TTLL5: variants seen among roughly 807,000 people sequenced by gnomAD.
TTLL5 encodes tubulin polyglutamylase TTLL5.
TTLL5 carries 132 observed loss-of-function variants against 168.4 expected under a neutral mutation model. The ratio of observed to expected loss-of-function variants is 0.78; its 90% CI spans 0.68 to 0.91. The LOEUF is 0.91. TTLL5 is among the 40% of genes least tolerant of loss of function. The pLI, the probability that TTLL5 is intolerant of heterozygous loss-of-function variation, is 0.00. For synonymous variants in TTLL5, 546 were observed against 558.6 expected, an observed-to-expected ratio of 0.98 and a Z score of 0.32; for missense variants, 1,545 against 1,581.5, an observed-to-expected ratio of 0.98 and a Z score of 0.39.
chr14:75,801,182 C>G (rs1893296848), intron 27 of TTLL5, among the ~76,000 whole-genome samples: 1 of 152,108 alleles, frequency 6.6e-6, no homozygotes, highest in Non-Finnish European at 1.5e-5. Context: ...CAGAGACTCT[C>G]CTTGGACAGG....
chr14:75,874,508 T>C (rs1170244850), intron 29 of TTLL5, among the ~76,000 whole-genome samples: 4 of 152,230 alleles, frequency 2.6e-5, no homozygotes, highest in African/African-American at 9.6e-5. Context: ...AATTGTGAGC[T>C]AGCTTTTCAT....
chr14:75,761,120 T>TGAAATG (rs1392286655), intron 18 of TTLL5, among the ~76,000 whole-genome samples: 1 of 152,102 alleles, frequency 6.6e-6, no homozygotes, highest in Non-Finnish European at 1.5e-5. Context: ...GTAGCCAATA[T>TGAAATG]GCTTATGAAA....
In TTLL5 at chr14:75,850,830, A is replaced by G. The variant is rs150392577; in HGVS notation, c.3327-12837A>G. Among the ~76,000 whole-genome samples, 618 of 152,018 alleles carry G rather than the reference A, an allele frequency of 4.1e-3. 3 individuals are homozygous for G. Among genetic ancestry groups the G allele is most frequent in the East Asian group, 0.014 (71 of 5,166 alleles). The stretch of plus-strand genomic sequence containing the variant: ...TAATAGAATTTAACAATAGAAGGAC[A>G]GGTGCAGTGGCTCATGCCTGTAATC... On this transcript the variant is annotated intron_variant, in intron 28 of 31. Transcript: ENST00000298832.
chr14:75,732,246 G>A (rs1259678374), intron 12 of TTLL5, 92 bp from the exon 13 acceptor site: 1 of 1,060,802 alleles, frequency 9.4e-7, no homozygotes, highest in Non-Finnish European at 1.4e-6. Context: ...GAGTTTCTAG[G>A]CCTGGGAGTT....
At chr14:75,826,379 G>GA (rs1249877166) in intron 28 of TTLL5, among the ~76,000 whole-genome samples, 1 of 149,430 alleles carries the variant, frequency 6.7e-6, no homozygotes, top group African/African-American at 2.5e-5. Context: ...TTACACTCCT[G>GA]AACTGTACAC....
intron 26 of TTLL5, among the ~76,000 whole-genome samples, chr14:75,784,079 T>C (rs1892225557): frequency 6.6e-6 from 1 of 151,986 alleles, no homozygotes; most frequent in Non-Finnish European, 1.5e-5. Context: ...ATTCAGTGGT[T>C]ATATATATAT....
chr14:75,949,316 C>CAT (rs1226389273), intron 31 of TTLL5, among the ~76,000 whole-genome samples: 1 of 150,198 alleles, frequency 6.7e-6, no homozygotes, highest in African/African-American at 2.4e-5. Context: ...TATATATACA[C>CAT]ATATATATAA....
At chr14:75,680,695 G>A (rs1302898281) in intron 3 of TTLL5, among the ~76,000 whole-genome samples, 6 of 146,142 alleles carry the variant, frequency 4.1e-5, no homozygotes, top group Middle Eastern at 3.3e-3. Flanking sequence ...TGATCTCGGC[G>A]CTCACTGCAA....
rs1269625550 is a variant in TTLL5 at position 75,790,975 on chromosome 14, G to A, written c.2987-1941G>A. On this transcript the variant is annotated intron_variant, in intron 26 of 31. Coordinates refer to ENST00000298832, the MANE Select transcript of TTLL5 (RefSeq NM_015072.5). ...AGAAAAATTACCCGGGCCTGGTGGC[G>A]GGTGCCTGTAGTCCCAGCTACTCGG... Among the ~76,000 whole-genome samples the A allele has an allele frequency of 2.2e-4, 33 of 150,162 alleles. 1 individual carries two copies. In the East Asian group the frequency reaches 3.9e-3, roughly 18 times the overall value.
chr14:75,826,347 G>C (rs1267467928), intron 28 of TTLL5, among the ~76,000 whole-genome samples: 1 of 147,276 alleles, frequency 6.8e-6, no homozygotes, highest in African/African-American at 2.6e-5. Flanking sequence ...CTTTGTTAGA[G>C]GCAAAACCTA....
At chr14:75,931,424 A>G (rs1294399719) in intron 31 of TTLL5, among the ~76,000 whole-genome samples, 1 of 152,164 alleles carries the variant, frequency 6.6e-6, no homozygotes, top group Non-Finnish European at 1.5e-5. Context: ...TTCCCTTTAA[A>G]TATCCCTCAG....
Position 75,752,931 on chromosome 14 carries a change from T to C in TTLL5, c.1526T>C (p.Leu509Pro). Residue 509 changes from leucine to proline, a missense_variant, in exon 18 of 32, where the codon CTG (leucine) becomes CCG (proline). Transcript: ENST00000298832. ...CATAAGACCTCAATGAACTATATGCTGGCAACACGCCTCTTCCAGGACAGG... is the reference window on the plus strand; with the variant it reads ...CATAAGACCTCAATGAACTATATGCCGGCAACACGCCTCTTCCAGGACAGG... The part of the protein sequence containing the change: ...LEHKTSMNYM[L>P]ATRLFQDRMT... 6.2e-7 allele frequency: 1 copy of C among 1,613,544 alleles called. No homozygotes were observed. The highest frequency in any genetic ancestry group is 8.5e-7 in the Non-Finnish European group (1 of 1,179,688).
At chr14:75,708,572 G>T (rs1886818483) in intron 9 of TTLL5, among the ~76,000 whole-genome samples, 1 of 152,008 alleles carries the variant, frequency 6.6e-6, no homozygotes, top group African/African-American at 2.4e-5. Context: ...TGATCCGCCT[G>T]CCTCAGCCTC....
At chr14:75,701,944 T>C (rs1886305617) in intron 7 of TTLL5, among the ~76,000 whole-genome samples, 1 of 152,130 alleles carries the variant, frequency 6.6e-6, no homozygotes, top group Non-Finnish European at 1.5e-5. Flanking sequence ...AGGGCAGGGG[T>C]AGGTAGATGT....
chr14:75,813,270 TTGTGTGTGTG>T (rs58821426), intron 27 of TTLL5, among the ~76,000 whole-genome samples: 19,356 of 130,466 alleles, frequency 0.15, 1,440 homozygotes, highest in Admixed American at 0.2. Context: ...GTGTGTGTGT[TTGTGTGTGTG>T]TGTGTGTGTG....
intron 28 of TTLL5, among the ~76,000 whole-genome samples, chr14:75,824,457 G>A (rs1168590777): frequency 1.3e-5 from 2 of 148,418 alleles, no homozygotes; most frequent in African/African-American, 2.5e-5. Context: ...CTTGAGGGTC[G>A]TATGCTCAGT....
At chr14:75,906,831 A>C (rs762889957) in intron 31 of TTLL5, 222 of 634,252 alleles carry the variant, frequency 3.5e-4, no homozygotes, top group Non-Finnish European at 4.2e-4. Flanking sequence ...GATGCTCCCA[A>C]ACTGGGTCAA....
chr14:75,845,692 A>G (rs1896506789), intron 28 of TTLL5, among the ~76,000 whole-genome samples: 2 of 152,158 alleles, frequency 1.3e-5, no homozygotes, highest in Admixed American at 6.5e-5. Flanking sequence ...GTAAATGATG[A>G]AATTGTCTTA....
intron 12 of TTLL5, among the ~76,000 whole-genome samples, chr14:75,725,123 A>T (rs1403752951): frequency 6.6e-6 from 1 of 152,222 alleles, no homozygotes; most frequent in Non-Finnish European, 1.5e-5. Flanking sequence ...AGCCATGCCC[A>T]GTACACCTCT....
Sources: gnomAD v4.1 joint callset for allele counts (sites outside exome capture counted in the v4.1 genomes callset) on GRCh38, gnomAD v4.1.1 for gene constraint, MANE v1.5 for transcripts, NCBI Gene and HGNC (gene_info 2026-07-23, HGNC 2026-07-21) for gene names.